Variants in HS6ST3 observed in about 807,000 individuals in gnomAD.
HS6ST3 encodes the protein heparan-sulfate 6-O-sulfotransferase 3.
A neutral mutation model predicts 36.7 loss-of-function variants in HS6ST3; 12 were observed. The ratio of observed to expected loss-of-function variants is 0.33; its 90% CI spans 0.21 to 0.53. The LOEUF is 0.53. Ranked by LOEUF, HS6ST3 falls within the 20% of genes least tolerant of loss-of-function variation. HS6ST3 has a pLI of 0.95. For missense variants in HS6ST3, 584 were observed against 640.9 expected (o/e 0.91, Z 0.96); for synonymous variants, 240 against 257.5 (o/e 0.93, Z 0.65).
intron 1 of HS6ST3, among the ~76,000 whole-genome samples, chr13:96,120,944 G>A (rs915250851): frequency 9.9e-5 from 15 of 152,182 alleles, no homozygotes; most frequent in African/African-American, 4.8e-5. Context: ...TAAAGTTTGG[G>A]ATGAATATAG....
intron 1 of HS6ST3, among the ~76,000 whole-genome samples, chr13:96,401,995 A>T (rs1351951596): frequency 6.6e-6 from 1 of 152,158 alleles, no homozygotes; most frequent in Non-Finnish European, 1.5e-5. Flanking sequence ...TGTTTTTGAG[A>T]TGATGTCTCA....
intron 1 of HS6ST3, among the ~76,000 whole-genome samples, chr13:96,496,693 A>G (rs1202206231): frequency 6.6e-6 from 1 of 152,200 alleles, no homozygotes; most frequent in Non-Finnish European, 1.5e-5. Context: ...GAGAAAATGC[A>G]CAGCTTAGCT....
intron 1 of HS6ST3, among the ~76,000 whole-genome samples, chr13:96,312,156 G>A (rs968064338): frequency 6.6e-6 from 1 of 152,106 alleles, no homozygotes; most frequent in Non-Finnish European, 1.5e-5. Flanking sequence ...GTTCTGCTAA[G>A]CTTCTAAATT....
At chr13:96,393,608 A>G (rs2139453214) in intron 1 of HS6ST3, among the ~76,000 whole-genome samples, 1 of 152,324 alleles carries the variant, frequency 6.6e-6, no homozygotes, top group African/African-American at 2.4e-5. Flanking sequence ...TTTACTTTTT[A>G]AAGAAGAGAA....
chr13:96,235,086 A>G (rs1476871158), intron 1 of HS6ST3, among the ~76,000 whole-genome samples: 4 of 152,308 alleles, frequency 2.6e-5, no homozygotes, highest in Admixed American at 2.6e-4. Flanking sequence ...ATGTGATACC[A>G]TGCATTTATT....
chr13:96,676,744 A>G (rs1364907498), intron 1 of HS6ST3, among the ~76,000 whole-genome samples: 1 of 152,156 alleles, frequency 6.6e-6, no homozygotes, highest in Non-Finnish European at 1.5e-5. Flanking sequence ...TACCAGGAAA[A>G]GTTGACAAGT....
At chr13:96,659,978 G>C (rs564107262) in intron 1 of HS6ST3, among the ~76,000 whole-genome samples, 2 of 152,182 alleles carry the variant, frequency 1.3e-5, no homozygotes, top group South Asian at 4.2e-4. Flanking sequence ...TTAATTGATA[G>C]ATGGGATTTG....
chr13:96,596,555 G>A (rs374743139), intron 1 of HS6ST3, among the ~76,000 whole-genome samples: 1 of 151,972 alleles, frequency 6.6e-6, no homozygotes, highest in Admixed American at 6.6e-5. Context: ...TCCATATAGG[G>A]TGTACTAATT....
intron 1 of HS6ST3, among the ~76,000 whole-genome samples, chr13:96,816,013 TGTAC>T (rs770157678): frequency 1.3e-5 from 2 of 152,142 alleles, no homozygotes; most frequent in Non-Finnish European, 2.9e-5. Context: ...GGTCCTTGTC[TGTAC>T]ATACTAGCCC....
At chr13:96,336,366 G>A (rs1273606479) in intron 1 of HS6ST3, among the ~76,000 whole-genome samples, 1 of 152,138 alleles carries the variant, frequency 6.6e-6, no homozygotes, top group Non-Finnish European at 1.5e-5. Context: ...GTTGTCATGG[G>A]CTGAATTATG....
At chr13:96,680,745 A>G (rs2056715687) in intron 1 of HS6ST3, among the ~76,000 whole-genome samples, 1 of 152,188 alleles carries the variant, frequency 6.6e-6, no homozygotes, top group Non-Finnish European at 1.5e-5. Context: ...CTAGCCATGG[A>G]CACATTTTTC....
chr13:96,817,713 A>G (rs1346624791), intron 1 of HS6ST3, among the ~76,000 whole-genome samples: 1 of 152,158 alleles, frequency 6.6e-6, no homozygotes, highest in Non-Finnish European at 1.5e-5. Context: ...ATTAGCTCCA[A>G]TATAACACGT....
At chr13:96,578,263 G>A (rs146078024) in intron 1 of HS6ST3, among the ~76,000 whole-genome samples, 109 of 152,338 alleles carry the variant, frequency 7.2e-4, no homozygotes, top group African/African-American at 2.5e-3. Flanking sequence ...ACAGGGCCTA[G>A]TCAGGAAGCA....
intron 1 of HS6ST3, among the ~76,000 whole-genome samples, chr13:96,226,291 C>T (rs904424266): frequency 2.6e-5 from 4 of 152,088 alleles, no homozygotes; most frequent in African/African-American, 7.2e-5. Flanking sequence ...GATGCCAAGG[C>T]GGGCAGATCA....
At chr13:96,343,860 A>G (rs1244285707) in intron 1 of HS6ST3, among the ~76,000 whole-genome samples, 3 of 152,152 alleles carry the variant, frequency 2.0e-5, no homozygotes, top group African/African-American at 4.8e-5. Flanking sequence ...CTCCTGCCTC[A>G]GTCTCCCGAG....
intron 1 of HS6ST3, among the ~76,000 whole-genome samples, chr13:96,463,388 ATAAT>A (rs1352643704): frequency 6.6e-6 from 1 of 152,192 alleles, no homozygotes; most frequent in Non-Finnish European, 1.5e-5. Context: ...GCTAGGACAA[ATAAT>A]TAATCATATG....
intron 1 of HS6ST3, among the ~76,000 whole-genome samples, chr13:96,514,133 A>T (rs1162643950): frequency 6.6e-6 from 1 of 152,120 alleles, no homozygotes; most frequent in African/African-American, 2.4e-5. Flanking sequence ...TGGATGTGGT[A>T]TCGAGAGTAG....
chr13:96,235,414 G>GT (rs557784687), intron 1 of HS6ST3, among the ~76,000 whole-genome samples: 13 of 152,084 alleles, frequency 8.5e-5, no homozygotes, highest in Admixed American at 2.0e-4. Flanking sequence ...AGCAGAAACT[G>GT]TTTTTTATCA....
intron 1 of HS6ST3, among the ~76,000 whole-genome samples, chr13:96,773,951 C>T (rs2138509269): frequency 6.6e-6 from 1 of 152,298 alleles, no homozygotes; most frequent in South Asian, 2.1e-4. Context: ...CTGGCGGATG[C>T]CCTTCTGGGA....
Sources: gnomAD v4.1 joint callset for allele counts (sites outside exome capture counted in the v4.1 genomes callset) on GRCh38, gnomAD v4.1.1 for gene constraint, MANE v1.5 for transcripts, NCBI Gene and HGNC (gene_info 2026-07-23, HGNC 2026-07-21) for gene names.